Variants in RBFOX3 observed in about 807,000 individuals in gnomAD.
RBFOX3 encodes the protein RNA binding protein fox-1 homolog 3.
RBFOX3 carries 17 observed loss-of-function variants against 48.7 expected under a neutral mutation model. That is an observed-to-expected ratio of 0.35 (90% CI 0.24 to 0.52). The LOEUF is 0.52. Ranked by LOEUF, RBFOX3 falls within the 20% of genes least tolerant of loss-of-function variation. The pLI, the probability that RBFOX3 is intolerant of heterozygous loss-of-function variation, is 0.94. For missense variants in RBFOX3, 382 were observed against 497.5 expected, an observed-to-expected ratio of 0.77 and a Z score of 2.21; for synonymous variants, 212 against 209.5, an observed-to-expected ratio of 1.01 and a Z score of -0.10.
chr17:79,150,507 G>A (rs1271000085), intron 4 of RBFOX3, among the ~76,000 whole-genome samples: 4 of 152,130 alleles, frequency 2.6e-5, no homozygotes, highest in Non-Finnish European at 5.9e-5. Flanking sequence ...CTCAAGATAG[G>A]AGGCAGCTGA....
intron 1 of RBFOX3, among the ~76,000 whole-genome samples, chr17:79,551,732 C>T (rs1568408083): frequency 6.6e-6 from 1 of 152,120 alleles, no homozygotes; most frequent in Non-Finnish European, 1.5e-5. Flanking sequence ...GAGCCTGGAA[C>T]TTTCTCCTCA....
rs1002018690 is a variant in RBFOX3, at chr17:79,216,044, C to T, written c.-34+19722G>A. ...TCACCCAGGGGTCCAGCACTTGTCC[C>T]CTGCCCCCAAGCGTCCTCAGCCCAG... On this transcript the variant is annotated intron_variant, in intron 4 of 14. Coordinates refer to ENST00000693108, the MANE Select transcript of RBFOX3 (RefSeq NM_001350451.2). 3.9e-5 allele frequency among the ~76,000 whole-genome samples: 6 copies of T among 152,356 alleles called. No individual in the cohort carries two copies. In the East Asian group the frequency reaches 1.2e-3, roughly 29 times the overall value.
chr17:79,499,278 A>G (rs1555776278), intron 1 of RBFOX3, among the ~76,000 whole-genome samples: 1 of 151,178 alleles, frequency 6.6e-6, no homozygotes, highest in Admixed American at 6.6e-5. Flanking sequence ...CCACCCACCC[A>G]TCTACCATCC....
chr17:79,219,814 G>C (rs1000691993), intron 4 of RBFOX3, among the ~76,000 whole-genome samples: 2 of 152,078 alleles, frequency 1.3e-5, no homozygotes, highest in Non-Finnish European at 2.9e-5. Context: ...CACAGGATAA[G>C]GGGGAGGGGA....
At chr17:79,415,857 G>A (rs1334672717) in intron 2 of RBFOX3, among the ~76,000 whole-genome samples, 2 of 152,132 alleles carry the variant, frequency 1.3e-5, no homozygotes, top group East Asian at 3.9e-4. Context: ...GAGAGGGACT[G>A]CAGGGGTCTC....
rs2085649562 is a variant in RBFOX3 at position 79,518,920 on chromosome 17, C to T, written c.-319-36322G>A. On this transcript the variant is annotated intron_variant, in intron 1 of 14. Coordinates refer to ENST00000693108, the MANE Select transcript of RBFOX3 (RefSeq NM_001350451.2). Reference sequence around the variant, plus strand: ...GAGGGTGGAGATGGCATAAATAGAACATTTCCTCCAAATGAAGGGAGGGCC... The same window carrying T: ...GAGGGTGGAGATGGCATAAATAGAATATTTCCTCCAAATGAAGGGAGGGCC... 2.6e-5 allele frequency among the ~76,000 whole-genome samples: 4 copies of T among 152,334 alleles called. No homozygotes were observed. The East Asian group carries it at 7.7e-4, about 29-fold the overall frequency.
chr17:79,385,273 C>A (rs1182766230), intron 2 of RBFOX3, among the ~76,000 whole-genome samples: 2 of 152,208 alleles, frequency 1.3e-5, no homozygotes, highest in East Asian at 3.9e-4. Context: ...AACCAGAGCA[C>A]CCAGCAGGGC....
At chr17:79,333,101 AAGAG>A (rs34328795) in intron 2 of RBFOX3, among the ~76,000 whole-genome samples, 7 of 151,412 alleles carry the variant, frequency 4.6e-5, no homozygotes, top group African/African-American at 1.5e-4. Context: ...CACAGAGAAA[AAGAG>A]AGAGAGAGAA....
Position 79,355,727 on chromosome 17 carries a change from C to T in RBFOX3, c.-174-47903G>A, listed in dbSNP as rs552694467. On this transcript the variant is annotated intron_variant, in intron 2 of 14. Transcript: ENST00000693108. ...TTCCTAGTAGCTGGGATAACAGGCT[C>T]ACACCATCATGCTCAGCTAATGTTT... Among the ~76,000 whole-genome samples the T allele has an allele frequency of 2.6e-5, 4 of 152,152 alleles. No homozygotes were observed. In the East Asian group the frequency reaches 7.7e-4, roughly 29 times the overall value.
intron 3 of RBFOX3, among the ~76,000 whole-genome samples, chr17:79,257,636 T>G (rs1314432051): frequency 6.6e-6 from 1 of 152,222 alleles, no homozygotes; most frequent in Non-Finnish European, 1.5e-5. Context: ...GATGGAGTGC[T>G]GTGGTGCAGT....
At chr17:79,517,172 G>A (rs920350802) in intron 1 of RBFOX3, among the ~76,000 whole-genome samples, 11 of 152,248 alleles carry the variant, frequency 7.2e-5, no homozygotes, top group African/African-American at 2.4e-4. Flanking sequence ...AGGGCCGGGC[G>A]CAGTGGCTTA....
In RBFOX3 at chr17:79,465,895, C is replaced by A. The variant is rs146266873; in HGVS notation, c.-175+16559G>T. Among the ~76,000 whole-genome samples, 747 of 152,338 alleles carry A rather than the reference C, an allele frequency of 4.9e-3. 7 individuals carry two copies. The highest frequency in any genetic ancestry group is 0.017 in the African/African-American group (713 of 41,570). The stretch of plus-strand genomic sequence containing the variant: ...TGTTTCTCTCTACGCCTCCACAAAG[C>A]CACTCCTCCGGCTCCATCTGTCCTC... On this transcript the variant is annotated intron_variant, in intron 2 of 14. Transcript: ENST00000693108.
chr17:79,358,351 G>A (rs1443892051), intron 2 of RBFOX3, among the ~76,000 whole-genome samples: 1 of 152,142 alleles, frequency 6.6e-6, no homozygotes, highest in African/African-American at 2.4e-5. Flanking sequence ...GGATGCTCAC[G>A]CCGTGGGGAG....
At chr17:79,203,333 G>A (rs11870539) in intron 4 of RBFOX3, among the ~76,000 whole-genome samples, 3,083 of 120,016 alleles carry the variant, frequency 0.026, 112 homozygotes, top group African/African-American at 0.095. Context: ...GTGAAGGGGC[G>A]TGTAAGGACT....
At chr17:79,474,596 G>A (rs1598852641) in intron 2 of RBFOX3, among the ~76,000 whole-genome samples, 1 of 152,162 alleles carries the variant, frequency 6.6e-6, no homozygotes, top group South Asian at 2.1e-4. Flanking sequence ...ACTCACATTT[G>A]ACTTTTGTAT....
chr17:79,324,421 G>A (rs532718842), intron 2 of RBFOX3, among the ~76,000 whole-genome samples: 23 of 152,296 alleles, frequency 1.5e-4, no homozygotes, highest in South Asian at 1.0e-3. Flanking sequence ...GGAAGCCTCC[G>A]AAGCAAACTC....
chr17:79,483,761 G>A (rs1030148438), intron 1 of RBFOX3, among the ~76,000 whole-genome samples: 9 of 151,814 alleles, frequency 5.9e-5, no homozygotes, highest in Admixed American at 1.3e-4. Context: ...GGCTCACTCC[G>A]TATTCTTCTG....
intron 2 of RBFOX3, among the ~76,000 whole-genome samples, chr17:79,337,329 C>A (rs896974536): frequency 1.3e-5 from 2 of 151,364 alleles, no homozygotes; most frequent in Non-Finnish European, 2.9e-5. Flanking sequence ...TCTGGCACCA[C>A]TGCTATTTCC....
chr17:79,096,597 A>G (rs2075313405), intron 12 of RBFOX3, 56 bp downstream of exon 12: 1 of 1,462,244 alleles, frequency 6.8e-7, no homozygotes, highest in Non-Finnish European at 9.3e-7. Flanking sequence ...CCGACTTCTC[A>G]TTGAGACCCA....
Sources: allele counts gnomAD v4.1 joint callset (sites outside exome capture counted in the v4.1 genomes callset), GRCh38; gene constraint gnomAD v4.1.1; transcripts MANE v1.5; gene names NCBI Gene and HGNC (gene_info 2026-07-23, HGNC 2026-07-21).